Variants in ELFN1 observed in about 807,000 individuals in gnomAD.
The protein encoded by ELFN1 is protein ELFN1.
In ELFN1, 6 loss-of-function variants were observed where a neutral mutation model predicts 7.6. The observed-to-expected ratio is 0.79, with a 90% CI of 0.43 to 1.56. The LOEUF (loss-of-function observed/expected upper bound fraction) is 1.56. ELFN1 is among the 40% of genes most tolerant of loss of function. ELFN1 has a pLI of 0.01. For missense variants in ELFN1, 1,169 were observed against 1,232.2 expected, an observed-to-expected ratio of 0.95 and a Z score of 0.77; for synonymous variants, 657 against 588.1, an observed-to-expected ratio of 1.12 and a Z score of -1.70.
chr7:1,746,655 G>C lies in ELFN1; in HGVS notation c.2059G>C (p.Ala687Pro). The change falls in exon 4 of 4, where the codon GCC becomes CCC. Residue 687 changes from alanine to proline, a missense_variant. Around this residue, in one of 2 missense-constraint regions of ELFN1, gnomAD observed 914 missense variants for 872.6 expected, o/e 1.05. Transcript: ENST00000424383. ...CGCCATCCTCACTGTGACACCCGCG[G>C]CCGCCGTGCTGCGGGCCGAGGCCGA... Reference protein sequence around the residue: ...ADAILTVTPAAAVLRAEAEKG... With the variant: ...ADAILTVTPAPAVLRAEAEKG... 1 of 1,363,726 alleles carries C rather than the reference G, an allele frequency of 7.3e-7. No homozygotes were observed. The highest frequency in any genetic ancestry group is 1.6e-5 in the South Asian group (1 of 61,052). 84.5% of individuals were successfully genotyped at this position (1,363,726 alleles called of 1,614,324 possible).
At chr7:1,666,949 C>T (rs550862655), upstream of ELFN1, among the ~76,000 whole-genome samples, 118 of 151,968 alleles carry the variant, frequency 7.8e-4, no homozygotes, top group African/African-American at 2.4e-3. This position sits in a 1 kb window ranked among gnomAD's most constrained non-coding sequence, Gnocchi z 7.9. Flanking sequence ...GTCGGTGACC[C>T]TAGCCTCTCC....
chr7:1,685,719 A>G (rs904027963), intron 1 of ELFN1, among the ~76,000 whole-genome samples: 1 of 150,840 alleles, frequency 6.6e-6, no homozygotes, highest in African/African-American at 2.4e-5. Context: ...TCAATTCTTT[A>G]CACATAGTTG....
chr7:1,745,859 C>G lies in ELFN1; in HGVS notation c.1263C>G (p.Thr421=). The G allele has an allele frequency of 6.3e-7, 1 of 1,591,504 alleles. No individual in the cohort carries two copies. The highest frequency in any genetic ancestry group is 8.5e-7 in the Non-Finnish European group (1 of 1,170,462). The change falls in exon 4 of 4, where the codon ACC becomes ACG. Residue 421 remains threonine, a synonymous_variant. Transcript: ENST00000424383. The stretch of plus-strand genomic sequence containing the variant: ...CCACGGCCACCCACTACATCATGAC[C>G]ATCCTGGGCTGCCTCTTCGGCATGG... The part of the protein sequence containing the change: ...SPSTATHYIM[T]ILGCLFGMVL...
chr7:1,716,860 G>GA (rs1779849522), intron 3 of ELFN1, among the ~76,000 whole-genome samples: 2 of 152,224 alleles, frequency 1.3e-5, no homozygotes, highest in African/African-American at 4.8e-5. Context: ...GGGGAGGGGA[G>GA]AGGAAGGAGA....
In ELFN1 at chr7:1,747,256, C is replaced by A. The variant is rs1382942749; in HGVS notation, c.*173C>A. 1.5e-6 allele frequency: 1 copy of A among 683,206 alleles called. No homozygotes were observed. Among genetic ancestry groups the A allele is most frequent in the Non-Finnish European group, 2.2e-6 (1 of 454,590 alleles). 42.3% of individuals were successfully genotyped at this position (683,206 alleles called of 1,614,324 possible). On this transcript the variant is annotated 3_prime_UTR_variant, in exon 4 of 4. Coordinates refer to ENST00000424383, the MANE Select transcript of ELFN1 (RefSeq NM_001128636.4). ...GACAAGGGGGACACGTCCCGAGCTC[C>A]TGTGGCCGGTCCTGGGATGCGCTTG...
In ELFN1 at chr7:1,736,851, C is replaced by T. The variant is rs572767237; in HGVS notation, c.-293-7453C>T. On this transcript the variant is annotated intron_variant, in intron 3 of 3. Coordinates refer to ENST00000424383, the MANE Select transcript of ELFN1 (RefSeq NM_001128636.4). ...TCTCCCAGCAACTCCAGTATTCAGA[C>T]GGGAGAGGGTCTCCCAGGAGAGGGT... Among the ~76,000 whole-genome samples, 121 of 152,246 alleles carry T rather than the reference C, an allele frequency of 7.9e-4. 1 individual carries two copies. The highest frequency in any genetic ancestry group is 1.4e-3 in the Non-Finnish European group (96 of 68,006).
In ELFN1 at chr7:1,711,610, GA is replaced by G. The variant is rs1562369907; in HGVS notation, c.-294+2359del. Among the ~76,000 whole-genome samples, 591 of 151,364 alleles carry G rather than the reference GA, an allele frequency of 3.9e-3. 9 individuals carry two copies. The highest frequency in any genetic ancestry group is 0.014 in the African/African-American group (563 of 41,116). ...AGAGAGAGAGAGAGAGAGAGAGAGA[GA>G]GAGAGAGAGAGAGAGAATGAGACAA... On this transcript the variant is annotated intron_variant, in intron 3 of 3. Coordinates refer to ENST00000424383, the MANE Select transcript of ELFN1 (RefSeq NM_001128636.4).
At chr7:1,679,179 G>GCA (rs368107431) in intron 1 of ELFN1, among the ~76,000 whole-genome samples, 9,087 of 150,370 alleles carry the variant, frequency 0.06, 824 homozygotes, top group African/African-American at 0.2. Context: ...ACGTACGCGC[G>GCA]CACACACACA....
In ELFN1 at chr7:1,673,798, G is replaced by A. The variant is rs1421299217; in HGVS notation, c.-549+3444G>A. Among the ~76,000 whole-genome samples, 3 of 152,208 alleles carry A rather than the reference G, an allele frequency of 2.0e-5. No individual in the cohort carries two copies. The highest frequency in any genetic ancestry group is 4.4e-5 in the Non-Finnish European group (3 of 68,036). On this transcript the variant is annotated intron_variant, in intron 1 of 3. Transcript: ENST00000424383. This position sits in a 1 kb window ranked among gnomAD's most constrained non-coding sequence, Gnocchi z 4.7. ...GATGGTCCAGCCGGTCCATTTTCCA[G>A]AAGGGTCCAGCATCGCCCGAGGTCA... is the stretch of plus-strand genomic sequence containing the variant.
intron 3 of ELFN1, among the ~76,000 whole-genome samples, chr7:1,726,862 G>A (rs543684837): frequency 1.4e-4 from 22 of 152,310 alleles, no homozygotes; most frequent in Non-Finnish European, 2.9e-4. Context: ...TTCCGTAGGG[G>A]ACCCATGTCT....
At chr7:1,691,142 G>A (rs1779154374) in intron 2 of ELFN1, among the ~76,000 whole-genome samples, 1 of 152,154 alleles carries the variant, frequency 6.6e-6, no homozygotes, top group African/African-American at 2.4e-5. Flanking sequence ...CGACAGAGTT[G>A]GGACCCAAAC....
intron 1 of ELFN1, among the ~76,000 whole-genome samples, chr7:1,677,346 T>C (rs114540507): frequency 0.02 from 2,979 of 152,268 alleles, 104 homozygotes; most frequent in African/African-American, 0.068. Flanking sequence ...TCAGGGCCCA[T>C]TCCTCAGGTA....
At chr7:1,682,853 G>A (rs912530087) in intron 1 of ELFN1, among the ~76,000 whole-genome samples, 5 of 152,188 alleles carry the variant, frequency 3.3e-5, no homozygotes, top group Non-Finnish European at 7.3e-5. Flanking sequence ...TTCATAGATG[G>A]TCTTTATCAG....
In ELFN1 at chr7:1,746,506, G is replaced by A. The variant is rs892338116; in HGVS notation, c.1910G>A (p.Arg637His). 14 of 1,482,812 alleles carry A rather than the reference G, an allele frequency of 9.4e-6. No homozygotes were observed. The highest frequency in any genetic ancestry group is 4.4e-5 in the African/African-American group (3 of 68,608). The allele number at this position is 1,482,812 out of a possible 1,614,324, so 91.9% of individuals were successfully genotyped here. The change falls in exon 4 of 4, where the codon CGT becomes CAT. Residue 637 changes from arginine (R) to histidine (H), a missense_variant. Physicochemically the swap from Arg to His is conservative, Grantham distance 29. Coordinates refer to ENST00000424383, the MANE Select transcript of ELFN1 (RefSeq NM_001128636.4). ...HHSVEAAGPPRASTSSSGSVR... is the reference protein window; with the variant it reads ...HHSVEAAGPPHASTSSSGSVR... ...AGCGTGGAGGCCGCCGGGCCCCCTC[G>A]TGCCAGCACCTCGTCCAGCGGCTCC...
intron 3 of ELFN1, among the ~76,000 whole-genome samples, chr7:1,726,891 C>A (rs1780213413): frequency 6.6e-6 from 1 of 152,188 alleles, no homozygotes; most frequent in Admixed American, 6.5e-5. Flanking sequence ...AGGAGCCGGG[C>A]TGGGTTCTTC....
At chr7:1,706,204 C>T (rs566964456) in intron 2 of ELFN1, among the ~76,000 whole-genome samples, 1 of 152,318 alleles carries the variant, frequency 6.6e-6, no homozygotes, top group East Asian at 1.9e-4. Context: ...GTGGGTGGAT[C>T]ACGAGGTCAG....
intron 1 of ELFN1, among the ~76,000 whole-genome samples, chr7:1,687,145 G>T (rs909663520): frequency 6.6e-6 from 1 of 152,154 alleles, no homozygotes. Flanking sequence ...GGGGGGAGAT[G>T]GGAGAGCTTC....
chr7:1,746,391 G>A lies in ELFN1; in HGVS notation c.1795G>A (p.Val599Met), dbSNP rs893330230. 15 of 1,536,694 alleles carry A rather than the reference G, an allele frequency of 9.8e-6. No individual in the cohort carries two copies. Among genetic ancestry groups the A allele is most frequent in the Non-Finnish European group, 1.3e-5 (15 of 1,142,600 alleles). Residue 599 changes from valine to methionine, a missense_variant, in exon 4 of 4, where the codon GTG becomes ATG. Val to Met is a conservative substitution (Grantham distance 21). Transcript: ENST00000424383. ...CGTGTCCGTCGCGGAGCCGCCGCTG[G>A]TGCTGCTGTCCGAGCCGCTGGCCGC... ...GPVSVAEPPLVLLSEPLAAKH... is the reference protein window; with the variant it reads ...GPVSVAEPPLMLLSEPLAAKH...
intron 1 of ELFN1, among the ~76,000 whole-genome samples, chr7:1,680,495 G>C (rs536107793): frequency 2.0e-5 from 3 of 152,286 alleles, no homozygotes; most frequent in Admixed American, 6.5e-5. Flanking sequence ...GCGTGAGCTT[G>C]CTTCTTTTTT....
Sources: allele counts gnomAD v4.1 joint callset (sites outside exome capture counted in the v4.1 genomes callset), GRCh38; gene constraint gnomAD v4.1.1; regional missense constraint gnomAD v4.1.1; non-coding constraint Gnocchi (gnomAD v3.1); transcripts MANE v1.5; gene names NCBI Gene and HGNC (gene_info 2026-07-23, HGNC 2026-07-21).